KALRN: variants seen among roughly 807,000 people sequenced by gnomAD.
KALRN encodes the protein kalirin.
KALRN carries 70 observed loss-of-function variants against 353.7 expected under a neutral mutation model. That is an observed-to-expected ratio of 0.20 (90% CI 0.16 to 0.24). The LOEUF (loss-of-function observed/expected upper bound fraction) is 0.24. Among genes scored for constraint, KALRN ranks in the 10% least tolerant of loss-of-function variants. The pLI, the probability that KALRN is intolerant of heterozygous loss-of-function variation, is 1.00. For missense variants in KALRN, 2,791 were observed against 3,756.7 expected (o/e 0.74, Z 6.72); for synonymous variants, 1,391 against 1,434.8 (o/e 0.97, Z 0.69).
chr3:124,218,395 G>A (rs1013383468), intron 1 of KALRN, among the ~76,000 whole-genome samples: 5 of 152,154 alleles, frequency 3.3e-5, no homozygotes, highest in African/African-American at 4.8e-5. Context: ...GCCCCTCGGC[G>A]CCTTTGTAAC....
intron 10 of KALRN, among the ~76,000 whole-genome samples, chr3:124,348,174 ATGGGACAGAGAGG>A (rs139035142): frequency 0.11 from 17,464 of 152,168 alleles, 1,232 homozygotes; most frequent in Non-Finnish European, 0.16. Flanking sequence ...GGGTGCCCAT[ATGGGACAGAGAGG>A]TGGGTGCTGC....
intron 1 of KALRN, among the ~76,000 whole-genome samples, chr3:124,085,259 A>G (rs755107555): frequency 3.3e-5 from 5 of 152,226 alleles, no homozygotes; most frequent in Non-Finnish European, 5.9e-5. Flanking sequence ...TCCTGTAAGT[A>G]GCCGCATAAT....
chr3:124,169,477 G>T (rs1431238890), intron 1 of KALRN, among the ~76,000 whole-genome samples: 1 of 152,094 alleles, frequency 6.6e-6, no homozygotes, highest in Non-Finnish European at 1.5e-5. Context: ...TCAGCTGTGG[G>T]CTCTAGCTGC....
intron 34 of KALRN, among the ~76,000 whole-genome samples, chr3:124,577,273 A>T (rs1421789690): frequency 2.0e-5 from 3 of 152,066 alleles, no homozygotes; most frequent in Admixed American, 6.5e-5. Context: ...GATAAGTGAG[A>T]CAGCTAGAAA....
chr3:124,296,616 G>C (rs921508860), intron 5 of KALRN, among the ~76,000 whole-genome samples: 1 of 152,118 alleles, frequency 6.6e-6, no homozygotes, highest in African/African-American at 2.4e-5. Context: ...CCTCCCACCA[G>C]CACCTGGCAG....
chr3:124,509,597 G>A (rs2065648023), intron 33 of KALRN, among the ~76,000 whole-genome samples: 1 of 152,194 alleles, frequency 6.6e-6, no homozygotes, highest in Non-Finnish European at 1.5e-5. Flanking sequence ...GCAAGTTTAT[G>A]TTAATCCTTA....
At chr3:124,089,094 A>G (rs1286300324) in intron 1 of KALRN, among the ~76,000 whole-genome samples, 1 of 152,238 alleles carries the variant, frequency 6.6e-6, no homozygotes, top group Non-Finnish European at 1.5e-5. Flanking sequence ...GTAGAAAAAA[A>G]AATGTTGAGC....
Position 124,340,091 on chromosome 3 carries a change from G to C in KALRN, c.1647+5596G>C, listed in dbSNP as rs2081536770. ...CAGCAGCAAATCAAATGAACCCCCT[G>C]TTTACATAGAGCTTACAGTCAGGGG... On this transcript the variant is annotated intron_variant, in intron 9 of 59. Transcript: ENST00000682506. Among the ~76,000 whole-genome samples the C allele has an allele frequency of 3.3e-5, 5 of 152,142 alleles. No homozygotes were observed. In the South Asian group the frequency reaches 1.0e-3, roughly 31 times the overall value.
rs2093841489 is a variant in KALRN, at chr3:124,446,426, C to T, written c.3429+150C>T. The T allele has an allele frequency of 3.5e-5, 22 of 635,844 alleles. 1 individual carries two copies. Among genetic ancestry groups the T allele is most frequent in the South Asian group, 3.4e-4 (17 of 50,044 alleles). 39.4% of individuals were successfully genotyped at this position (635,844 alleles called of 1,614,324 possible). ...AAGAAAGCAGGTTGTCACCTGTCAG[C>T]AGTTCAGCATTTACCAAGCTCTATG... On this transcript the variant is annotated intron_variant, in intron 20 of 59. Coordinates refer to ENST00000682506, the MANE Select transcript of KALRN (RefSeq NM_001388419.1).
intron 34 of KALRN, among the ~76,000 whole-genome samples, chr3:124,604,586 T>TTAC (rs542875715): frequency 1.1e-4 from 17 of 152,232 alleles, no homozygotes; most frequent in Non-Finnish European, 2.2e-4. Context: ...ATAATAGTGA[T>TTAC]TACTATGTAA....
intron 2 of KALRN, among the ~76,000 whole-genome samples, chr3:124,233,492 G>GT (rs1170288280): frequency 6.6e-6 from 1 of 152,168 alleles, no homozygotes; most frequent in Middle Eastern, 3.2e-3. Context: ...CTGGGCAGTG[G>GT]TGGTGGTGCT....
intron 1 of KALRN, among the ~76,000 whole-genome samples, chr3:124,175,131 C>T (rs919983127): frequency 6.6e-6 from 1 of 152,232 alleles, no homozygotes; most frequent in African/African-American, 2.4e-5. Context: ...CGTGTGCATC[C>T]AGGAGAGGCT....
chr3:124,561,693 G>A (rs2072032918), intron 33 of KALRN, among the ~76,000 whole-genome samples: 1 of 152,194 alleles, frequency 6.6e-6, no homozygotes, highest in African/African-American at 2.4e-5. Context: ...TGCACAGACT[G>A]AAGTCGAATT....
chr3:124,377,427 C>T (rs919387021), intron 10 of KALRN, among the ~76,000 whole-genome samples: 1 of 151,870 alleles, frequency 6.6e-6, no homozygotes, highest in Non-Finnish European at 1.5e-5. Context: ...GTATGACTTG[C>T]ATCTCTTTAA....
chr3:124,446,158 C>T lies in KALRN; in HGVS notation c.3314-3C>T. On this transcript the variant is annotated splice_region_variant and splice_polypyrimidine_tract_variant and intron_variant, in intron 19 of 59. Transcript: ENST00000682506. Reference sequence around the variant, plus strand: ...GACCATCATGCATCTCCTCTGCCCACAGCCATCCTGAGTGAGCTCCTGCAG... The same window carrying T: ...GACCATCATGCATCTCCTCTGCCCATAGCCATCCTGAGTGAGCTCCTGCAG... 1 of 1,608,544 alleles carries T rather than the reference C, an allele frequency of 6.2e-7. No homozygotes were observed. The highest frequency in any genetic ancestry group is 8.5e-7 in the Non-Finnish European group (1 of 1,175,256).
At chr3:124,327,577 T>C (rs545305475) in intron 7 of KALRN, among the ~76,000 whole-genome samples, 1 of 152,338 alleles carries the variant, frequency 6.6e-6, no homozygotes, top group East Asian at 1.9e-4. Context: ...CCTGTGTATA[T>C]GTAATATATA....
intron 15 of KALRN, 126 bp from the exon 16 acceptor site, chr3:124,430,530 C>A: frequency 8.9e-7 from 1 of 1,120,038 alleles, no homozygotes; most frequent in Non-Finnish European, 1.3e-6. Flanking sequence ...GTGACATTTG[C>A]TGTCCTCTCT....
intron 3 of KALRN, among the ~76,000 whole-genome samples, chr3:124,251,942 G>GT (rs1421273775): frequency 1.3e-5 from 2 of 152,110 alleles, no homozygotes; most frequent in African/African-American, 4.8e-5. Flanking sequence ...GTTTTGTTTT[G>GT]TTTTTTAATA....
chr3:124,073,371 T>G (rs908006049), intron 1 of KALRN, among the ~76,000 whole-genome samples: 1 of 152,198 alleles, frequency 6.6e-6, no homozygotes, highest in African/African-American at 2.4e-5. Context: ...CAAACTTTAC[T>G]CAAGAACAGG....
Sources: gnomAD v4.1 joint callset for allele counts (sites outside exome capture counted in the v4.1 genomes callset) on GRCh38, gnomAD v4.1.1 for gene constraint, MANE v1.5 for transcripts, NCBI Gene and HGNC (gene_info 2026-07-23, HGNC 2026-07-21) for gene names.